Variants in IGF2R observed in about 807,000 individuals in gnomAD.
IGF2R encodes the protein insulin like growth factor 2 receptor.
IGF2R carries 91 observed loss-of-function variants against 270.6 expected under a neutral mutation model. That is an observed-to-expected ratio of 0.34 (90% CI 0.28 to 0.40). IGF2R has a LOEUF of 0.40. IGF2R is among the 10% of genes least tolerant of loss of function. The probability of loss-of-function intolerance (pLI) is 1.00; values close to 1 mark genes in which losing one functional copy is unlikely to be tolerated. For synonymous variants in IGF2R, 1,316 were observed against 1,258.9 expected (o/e 1.05, Z -0.96); for missense variants, 2,805 against 3,188.3 (o/e 0.88, Z 2.90).
Position 160,046,592 on chromosome 6 carries a change from G to A in IGF2R, c.1998G>A (p.Pro666=), listed in dbSNP as rs532032373. Residue 666 remains proline (P), a synonymous_variant, in exon 15 of 48, where the codon CCG becomes CCA. Coordinates refer to ENST00000356956, the MANE Select transcript of IGF2R (RefSeq NM_000876.4). ...KYDFYINVCG[P]VSVSPCQPDS... ...ACTTTTATATAAATGTGTGTGGCCC[G>A]GTGTCTGTGAGCCCCTGTCAGCCAG... 3.1e-5 allele frequency: 50 copies of A among 1,613,844 alleles called. No homozygotes were observed. The South Asian group carries it at 3.2e-4, about 10-fold the overall frequency.
chr6:160,051,774 C>A (rs1236729235), intron 19 of IGF2R, among the ~76,000 whole-genome samples: 1 of 152,068 alleles, frequency 6.6e-6, no homozygotes, highest in African/African-American at 2.4e-5. Context: ...GCCTAGGCAA[C>A]ATAGTGAGAC....
intron 2 of IGF2R, chr6:160,003,661 T>C (rs1784165238): frequency 6.6e-6 from 1 of 152,246 alleles, no homozygotes; most frequent in Middle Eastern, 3.2e-3. Flanking sequence ...TATTTGACTA[T>C]CAGTCATATG....
intron 13 of IGF2R, among the ~76,000 whole-genome samples, chr6:160,044,899 T>G (rs1469190479): frequency 6.6e-6 from 1 of 152,224 alleles, no homozygotes. Context: ...GTTGTGGGTC[T>G]CAGCGCTGTA....
Position 160,027,185 on chromosome 6 carries a change from A to G in IGF2R, c.647A>G (p.Asp216Gly). Residue 216 changes from aspartate (D) to glycine (G), a missense_variant and splice_region_variant, in exon 6 of 48, where the codon GAC (aspartate) becomes GGC (glycine). Asp to Gly is a moderately conservative substitution (Grantham distance 94). Transcript: ENST00000356956. ...SLFINVCRDI[D>G]TLRDPGSQLR... is the part of the protein sequence containing the mutation. ...ATTTAATGTAATACATGATTTTCAG[A>G]CACACTACGAGACCCAGGTTCACAG... The G allele has an allele frequency of 6.2e-7, 1 of 1,614,190 alleles. No individual in the cohort carries two copies. The highest frequency in any genetic ancestry group is 8.5e-7 in the Non-Finnish European group (1 of 1,180,018).
In IGF2R at chr6:160,075,858, G is replaced by C; in HGVS notation, c.5178G>C (p.Arg1726=). The part of the protein sequence containing the change: ...PIDGPPIDIG[R]VAGPPILNPI... Reference sequence around the variant, plus strand: ...CGCTCTTTGTTTAGGATATCGGCCGGGTAGCAGGACCACCAATACTCAATC... The same window carrying C: ...CGCTCTTTGTTTAGGATATCGGCCGCGTAGCAGGACCACCAATACTCAATC... The change falls in exon 36 of 48, where the codon CGG becomes CGC. Residue 1726 remains arginine, a synonymous_variant. Coordinates refer to ENST00000356956, the MANE Select transcript of IGF2R (RefSeq NM_000876.4). 1 of 1,613,608 alleles carries C rather than the reference G, an allele frequency of 6.2e-7. No individual in the cohort carries two copies. The highest frequency in any genetic ancestry group is 8.5e-7 in the Non-Finnish European group (1 of 1,179,610).
Position 160,108,529 on chromosome 6 carries a change from A to G in IGF2R, c.*3445A>G, listed in dbSNP as rs1779674964. 1 of 152,294 alleles carries G rather than the reference A, an allele frequency of 6.6e-6. No homozygotes were observed. The highest frequency in any genetic ancestry group is 1.5e-5 in the Non-Finnish European group (1 of 68,124). 9.4% of individuals were successfully genotyped at this position (152,294 alleles called of 1,614,324 possible). ...AACCAGATGGGAGGTTGGGCATGGG[A>G]GCTGTGGCTGTGCTGAGCTGAGAAG... is the stretch of plus-strand genomic sequence containing the variant. On this transcript the variant is annotated 3_prime_UTR_variant, in exon 48 of 48. Coordinates refer to ENST00000356956, the MANE Select transcript of IGF2R (RefSeq NM_000876.4).
intron 1 of IGF2R, among the ~76,000 whole-genome samples, chr6:159,976,841 C>G (rs1259272436): frequency 1.3e-5 from 2 of 152,122 alleles, no homozygotes; most frequent in African/African-American, 4.8e-5. Flanking sequence ...CCCTTGTGGC[C>G]TAACACCTAG....
At chr6:160,103,478 T>G (rs1362554891) in intron 46 of IGF2R, among the ~76,000 whole-genome samples, 1 of 152,200 alleles carries the variant, frequency 6.6e-6, no homozygotes, top group African/African-American at 2.4e-5. Context: ...GTTAGTCATG[T>G]GAAAAAGTCC....
rs531528799 is a variant in IGF2R at position 160,084,794 on chromosome 6, G to T, written c.6069-201G>T. On this transcript the variant is annotated intron_variant, in intron 40 of 47. Transcript: ENST00000356956. The surrounding 1 kb of genome is among the most constrained non-coding windows in gnomAD (Gnocchi z 4.6). Reference sequence around the variant, plus strand: ...ATTCCACTCCGCGTGTGTCTGGTTGGTGAGCTCCCTTCTTCAGTGAAGACT... The same window carrying T: ...ATTCCACTCCGCGTGTGTCTGGTTGTTGAGCTCCCTTCTTCAGTGAAGACT... Among the ~76,000 whole-genome samples, 1 of 152,160 alleles carries T rather than the reference G, an allele frequency of 6.6e-6. No homozygotes were observed. The highest frequency in any genetic ancestry group is 1.9e-4 in the East Asian group (1 of 5,170).
At position 160,102,517 on chromosome 6, in the gene IGF2R, A is replaced by C; in HGVS notation, c.6843-2A>C. 1 of 1,611,246 alleles carries C rather than the reference A, an allele frequency of 6.2e-7. No individual in the cohort carries two copies. The highest frequency in any genetic ancestry group is 1.3e-5 in the African/African-American group (1 of 74,970). On this transcript the variant is annotated splice_acceptor_variant, in intron 45 of 47. Transcript: ENST00000356956. LOFTEE classifies it high-confidence loss of function. The surrounding 1 kb of genome is among the most constrained non-coding windows in gnomAD (Gnocchi z 4.5). ...GGCTCCTTTTCTGTGACGTCCTTGC[A>C]GGGTGGGCTTTGACAGCGAGAATCC...
rs565619925 is a variant in IGF2R at position 160,053,347 on chromosome 6, G to A, written c.2694+2695G>A. 1.1e-4 allele frequency among the ~76,000 whole-genome samples: 16 copies of A among 152,034 alleles called. 1 individual carries two copies. The highest frequency in any genetic ancestry group is 6.8e-3 in the Middle Eastern group (2 of 294). On this transcript the variant is annotated intron_variant, in intron 19 of 47. Coordinates refer to ENST00000356956, the MANE Select transcript of IGF2R (RefSeq NM_000876.4). ...GTTGATGGGTGCAGCAAACCAACAT[G>A]GCACATGTATACCTATGTATCAAAC...
chr6:160,014,221 C>G (rs999535390), intron 4 of IGF2R, among the ~76,000 whole-genome samples: 3 of 152,200 alleles, frequency 2.0e-5, no homozygotes, highest in African/African-American at 7.2e-5. Context: ...CAGAACTGGC[C>G]TGCTAGCAGT....
At chr6:160,024,100 G>A (rs868049935) in intron 4 of IGF2R, among the ~76,000 whole-genome samples, 26 of 152,198 alleles carry the variant, frequency 1.7e-4, no homozygotes, top group Non-Finnish European at 1.9e-4. Flanking sequence ...GGGTGAGCTG[G>A]TAAGCGGGGT....
chr6:159,984,452 C>A (rs1416493848), intron 1 of IGF2R, among the ~76,000 whole-genome samples: 2 of 152,230 alleles, frequency 1.3e-5, no homozygotes, highest in African/African-American at 4.8e-5. Context: ...GAGCCGCTTC[C>A]AGTCCTGCAG....
intron 29 of IGF2R, among the ~76,000 whole-genome samples, chr6:160,067,519 A>G (rs564193255): frequency 6.6e-6 from 1 of 152,150 alleles, no homozygotes; most frequent in Non-Finnish European, 1.5e-5. Context: ...ATGATGTTTA[A>G]TACTGTTTTG....
In IGF2R at chr6:160,096,507, T is replaced by C; in HGVS notation, c.6724T>C (p.Ser2242Pro). 1 of 1,614,202 alleles carries C rather than the reference T, an allele frequency of 6.2e-7. No individual in the cohort carries two copies. Reference protein sequence around the residue: ...CGKDKTKSVSSTIFFHCDPLV... With the variant: ...CGKDKTKSVSPTIFFHCDPLV... The stretch of plus-strand genomic sequence containing the variant: ...AAAGGATAAGACCAAGTCTGTTTCT[T>C]CCACCATCTTCTTCCACTGTGACCC... The change falls in exon 45 of 48, where the codon TCC becomes CCC. Residue 2242 changes from serine to proline, a missense_variant. This residue lies in a region of IGF2R where 1,851 missense variants were observed against 2,207.2 expected (regional missense o/e 0.84). Transcript: ENST00000356956.
intron 41 of IGF2R, 110 bp downstream of exon 41, chr6:160,085,241 TC>T: frequency 8.6e-7 from 1 of 1,165,164 alleles, no homozygotes; most frequent in Non-Finnish European, 1.2e-6. Context: ...GGTGGAAACC[TC>T]CAGATATGAT....
At chr6:160,027,343 G>A (rs1449413282) in intron 6 of IGF2R, 29 bp downstream of exon 6, 12 of 1,587,816 alleles carry the variant, frequency 7.6e-6, no homozygotes, top group African/African-American at 5.4e-5. Flanking sequence ...TGCTGTTGGC[G>A]TTTTTAATCT....
At chr6:160,065,178 G>T (rs555100506) in intron 29 of IGF2R, among the ~76,000 whole-genome samples, 1 of 152,324 alleles carries the variant, frequency 6.6e-6, no homozygotes, top group East Asian at 1.9e-4. Flanking sequence ...AGCAGAGTGG[G>T]CCAGGAGCGG....
Sources: allele counts gnomAD v4.1 joint callset (sites outside exome capture counted in the v4.1 genomes callset), GRCh38; gene constraint gnomAD v4.1.1; regional missense constraint gnomAD v4.1.1; non-coding constraint Gnocchi (gnomAD v3.1); transcripts MANE v1.5; gene names NCBI Gene and HGNC (gene_info 2026-07-23, HGNC 2026-07-21).